Variants in RORB observed in about 807,000 individuals in gnomAD.
RORB encodes RAR related orphan receptor B.
Under a neutral mutation model 59.1 loss-of-function variants are expected in RORB, and 6 were observed. The ratio of observed to expected loss-of-function variants is 0.10; its 90% confidence interval spans 0.06 to 0.20. The LOEUF is 0.20. Ranked by LOEUF, RORB falls within the 10% of genes least tolerant of loss-of-function variation. The pLI, the probability that RORB is intolerant of heterozygous loss-of-function variation, is 1.00. For missense variants in RORB, 320 were observed against 560.5 expected (o/e 0.57, Z 4.33); for synonymous variants, 215 against 204.5 (o/e 1.05, Z -0.44).
At chr9:74,647,965 C>T (rs1401237372) in intron 4 of RORB, among the ~76,000 whole-genome samples, 5 of 152,146 alleles carry the variant, frequency 3.3e-5, no homozygotes, top group Admixed American at 3.3e-4. Flanking sequence ...ATCTATTATG[C>T]ACATCTAACT....
At chr9:74,512,609 G>A (rs1218580797) in intron 1 of RORB, among the ~76,000 whole-genome samples, 1 of 152,144 alleles carries the variant, frequency 6.6e-6, no homozygotes, top group East Asian at 1.9e-4. Context: ...TAGAGGTCAG[G>A]AATGCTGTTA....
intron 1 of RORB, among the ~76,000 whole-genome samples, chr9:74,575,646 A>T (rs1740470344): frequency 6.6e-6 from 1 of 152,062 alleles, no homozygotes; most frequent in African/African-American, 2.4e-5. Context: ...CCAATTGTTA[A>T]AAAAAATCTG....
chr9:74,503,818 G>C (rs1167199879), intron 1 of RORB, among the ~76,000 whole-genome samples: 1 of 151,988 alleles, frequency 6.6e-6, no homozygotes, highest in Admixed American at 6.6e-5. Context: ...AGATTTACCA[G>C]TGCACCAATA....
chr9:74,585,311 A>T (rs1009039823), intron 1 of RORB, among the ~76,000 whole-genome samples: 6 of 152,302 alleles, frequency 3.9e-5, no homozygotes, highest in Admixed American at 3.9e-4. Flanking sequence ...CCCTAGCATA[A>T]TCTCAAAATA....
At chr9:74,614,103 G>T (rs764000122) in intron 1 of RORB, among the ~76,000 whole-genome samples, 1 of 152,136 alleles carries the variant, frequency 6.6e-6, no homozygotes, top group Non-Finnish European at 1.5e-5. Flanking sequence ...TAATGGGATT[G>T]CTGGGTTGAA....
At chr9:74,509,642 A>G (rs1462323618) in intron 1 of RORB, among the ~76,000 whole-genome samples, 3 of 152,066 alleles carry the variant, frequency 2.0e-5, no homozygotes, top group African/African-American at 4.8e-5. Flanking sequence ...TTCAATGAAA[A>G]AACTGTGTTA....
At chr9:74,642,187 C>T (rs1034616777) in intron 3 of RORB, among the ~76,000 whole-genome samples, 1 of 152,114 alleles carries the variant, frequency 6.6e-6, no homozygotes, top group Admixed American at 6.5e-5. Context: ...TATATTTCTT[C>T]CTGGCTTAGA....
At chr9:74,514,238 C>A (rs1196160595) in intron 1 of RORB, among the ~76,000 whole-genome samples, 4 of 152,034 alleles carry the variant, frequency 2.6e-5, no homozygotes, top group Non-Finnish European at 4.4e-5. Flanking sequence ...ACCCTGAAAT[C>A]CAAACAGTAT....
At chr9:74,586,600 CGT>C (rs1313500289) in intron 1 of RORB, among the ~76,000 whole-genome samples, 4,542 of 141,242 alleles carry the variant, frequency 0.032, 108 homozygotes, top group Non-Finnish European at 0.043. Flanking sequence ...ATGTAATGTC[CGT>C]GTGTGTGTGT....
intron 4 of RORB, among the ~76,000 whole-genome samples, chr9:74,654,928 A>G (rs1401571523): frequency 6.6e-6 from 1 of 152,232 alleles, no homozygotes; most frequent in African/African-American, 2.4e-5. Context: ...GTGATTGTTC[A>G]TGAAATTAAC....
At chr9:74,528,630 T>C (rs896519615) in intron 1 of RORB, among the ~76,000 whole-genome samples, 3 of 152,180 alleles carry the variant, frequency 2.0e-5, no homozygotes, top group African/African-American at 7.2e-5. Context: ...AGGCACAACC[T>C]GAAAATTATT....
At chr9:74,622,998 G>A (rs535140849) in intron 1 of RORB, among the ~76,000 whole-genome samples, 91 of 152,094 alleles carry the variant, frequency 6.0e-4, no homozygotes, top group Middle Eastern at 3.2e-3. Flanking sequence ...ATTGAACTCC[G>A]TGTTAACTAA....
At chr9:74,612,924 TA>T (rs1333227636) in intron 1 of RORB, among the ~76,000 whole-genome samples, 6 of 152,244 alleles carry the variant, frequency 3.9e-5, no homozygotes, top group Admixed American at 2.0e-4. Flanking sequence ...GTTAGAATTT[TA>T]TTTCTTGTAA....
At chr9:74,505,330 T>C (rs943914692) in intron 1 of RORB, among the ~76,000 whole-genome samples, 2 of 152,106 alleles carry the variant, frequency 1.3e-5, no homozygotes. Flanking sequence ...AATTAAGATA[T>C]ACTCTCAAGT....
chr9:74,498,300 GC>G (rs988356907), intron 1 of RORB: 3 of 433,088 alleles, frequency 6.9e-6, no homozygotes, highest in African/African-American at 5.9e-5. Flanking sequence ...GGAAGCGGAC[GC>G]GGGATGGAGA....
chr9:74,636,918 T>C (rs1002776089), intron 3 of RORB, among the ~76,000 whole-genome samples: 2 of 152,158 alleles, frequency 1.3e-5, no homozygotes, highest in Non-Finnish European at 2.9e-5. Context: ...GCCAAGTAAA[T>C]TATGCTAATA....
At chr9:74,535,599 T>A (rs1285375707) in intron 1 of RORB, among the ~76,000 whole-genome samples, 3 of 152,014 alleles carry the variant, frequency 2.0e-5, no homozygotes, top group Non-Finnish European at 4.4e-5. Context: ...GAAATGGTTT[T>A]GATATTTGAT....
At chr9:74,633,366 G>T (rs1316374974) in intron 2 of RORB, among the ~76,000 whole-genome samples, 1 of 152,150 alleles carries the variant, frequency 6.6e-6, no homozygotes, top group African/African-American at 2.4e-5. Flanking sequence ...GAAGTCAGGG[G>T]ATCTATTCCA....
chr9:74,677,233 G>A (rs1337434248), intron 9 of RORB, among the ~76,000 whole-genome samples: 1 of 152,052 alleles, frequency 6.6e-6, no homozygotes, highest in Non-Finnish European at 1.5e-5. Context: ...TTCCAATAAG[G>A]CTCAGGAAGA....
Sources: gnomAD v4.1 joint callset for allele counts (sites outside exome capture counted in the v4.1 genomes callset) on GRCh38, gnomAD v4.1.1 for gene constraint, MANE v1.5 for transcripts, NCBI Gene and HGNC (gene_info 2026-07-23, HGNC 2026-07-21) for gene names.